Variants in TMEM135 observed in about 807,000 individuals in gnomAD.
TMEM135 encodes transmembrane protein 135, also known as peroxisomal membrane protein 52.
TMEM135 carries 30 observed loss-of-function variants against 60.3 expected under a neutral mutation model. That is an observed-to-expected ratio of 0.50 (90% confidence interval 0.37 to 0.68). The LOEUF (loss-of-function observed/expected upper bound fraction) is 0.68. Among genes scored for constraint, TMEM135 ranks in the 30% least tolerant of loss-of-function variants. The pLI is 0.00. For missense variants in TMEM135, 468 were observed against 548.8 expected, an observed-to-expected ratio of 0.85 and a Z score of 1.47; for synonymous variants, 190 against 186.7, an observed-to-expected ratio of 1.02 and a Z score of -0.14.
chr11:87,125,974 A>G (rs1047793617), intron 4 of TMEM135, among the ~76,000 whole-genome samples: 4 of 152,188 alleles, frequency 2.6e-5, no homozygotes, highest in Non-Finnish European at 2.9e-5. Flanking sequence ...ATTACCTGGA[A>G]CATATACCTT....
chr11:87,274,806 GT>G (rs1216073512), intron 6 of TMEM135, among the ~76,000 whole-genome samples: 78 of 150,178 alleles, frequency 5.2e-4, no homozygotes, highest in African/African-American at 1.9e-3. Flanking sequence ...GTGTGTGTGT[GT>G]GTGTGTGTGT....
rs750648167 is a variant in TMEM135, at chr11:87,325,563, T to C, written c.*4230T>C. The C allele has an allele frequency of 8.8e-6, 4 of 453,842 alleles. No individual in the cohort carries two copies. Among genetic ancestry groups the C allele is most frequent in the Non-Finnish European group, 1.8e-5 (4 of 226,766 alleles). The allele number at this position is 453,842 out of a possible 1,614,324, so 28.1% of individuals were successfully genotyped here. A position where few individuals can be genotyped will look rare whatever the true frequency, so the allele number is the denominator to read the frequency against. On this transcript the variant is annotated 3_prime_UTR_variant, in exon 15 of 15. Coordinates refer to ENST00000305494, the MANE Select transcript of TMEM135 (RefSeq NM_022918.4). ...TCCCTCTCCCTGCCACCTTGTCCATTCTCTGCTTGCTGGTGTTACTTTATG... is the reference window on the plus strand; with the variant it reads ...TCCCTCTCCCTGCCACCTTGTCCATCCTCTGCTTGCTGGTGTTACTTTATG...
At chr11:87,109,113 T>C (rs1415406471) in intron 4 of TMEM135, among the ~76,000 whole-genome samples, 1 of 152,148 alleles carries the variant, frequency 6.6e-6, no homozygotes, top group Non-Finnish European at 1.5e-5. Context: ...GATAGATGTG[T>C]TAACTATTTT....
chr11:87,213,805 T>C (rs1046058542), intron 5 of TMEM135, among the ~76,000 whole-genome samples: 1 of 152,224 alleles, frequency 6.6e-6, no homozygotes, highest in African/African-American at 2.4e-5. Flanking sequence ...AGGTCATTTG[T>C]GGACACATTA....
At chr11:87,256,095 G>A (rs1941523313) in intron 6 of TMEM135, among the ~76,000 whole-genome samples, 1 of 152,094 alleles carries the variant, frequency 6.6e-6, no homozygotes. Context: ...TCCATGTTAG[G>A]ACAACCTTTT....
At chr11:87,192,790 T>C (rs2069265835) in intron 5 of TMEM135, among the ~76,000 whole-genome samples, 1 of 152,218 alleles carries the variant, frequency 6.6e-6, no homozygotes, top group South Asian at 2.1e-4. Context: ...TGATTGTATG[T>C]GTGGGTGAGC....
intron 5 of TMEM135, among the ~76,000 whole-genome samples, chr11:87,211,084 G>A (rs1940358603): frequency 6.6e-6 from 1 of 152,122 alleles, no homozygotes; most frequent in Non-Finnish European, 1.5e-5. Context: ...GAGAACTGGA[G>A]CAAGATAGGG....
At chr11:87,306,804 C>CGAG (rs1942552185) in intron 9 of TMEM135, among the ~76,000 whole-genome samples, 1 of 152,088 alleles carries the variant, frequency 6.6e-6, no homozygotes. Flanking sequence ...CTGCAACCAC[C>CGAG]ATCTCCTAGG....
At chr11:87,093,722 CG>C (rs1857261143) in intron 4 of TMEM135, among the ~76,000 whole-genome samples, 1 of 151,282 alleles carries the variant, frequency 6.6e-6, no homozygotes, top group Non-Finnish European at 1.5e-5. Flanking sequence ...TTAGTAGAGA[CG>C]GGGTTTCACC....
chr11:87,321,849 C>T lies in TMEM135; in HGVS notation c.*516C>T, dbSNP rs1942827801. On this transcript the variant is annotated 3_prime_UTR_variant, in exon 15 of 15. Coordinates refer to ENST00000305494, the MANE Select transcript of TMEM135 (RefSeq NM_022918.4). Reference sequence around the variant, plus strand: ...AAGTAACTCTCCACGGACAGTGCTGCTTTCGTGTAGAGCAATTTAATTGGA... The same window carrying T: ...AAGTAACTCTCCACGGACAGTGCTGTTTTCGTGTAGAGCAATTTAATTGGA... The T allele has an allele frequency of 2.2e-6, 1 of 454,282 alleles. No homozygotes were observed. Among genetic ancestry groups the T allele is most frequent in the Admixed American group, 2.4e-5 (1 of 42,516 alleles). 28.1% of individuals were successfully genotyped at this position (454,282 alleles called of 1,614,324 possible).
chr11:87,318,483 A>G (rs1350589953), intron 13 of TMEM135, among the ~76,000 whole-genome samples: 1 of 151,972 alleles, frequency 6.6e-6, no homozygotes, highest in Non-Finnish European at 1.5e-5. Context: ...AGTACAATTT[A>G]TAAGTAAATT....
At chr11:87,079,619 A>G (rs1360110927) in intron 3 of TMEM135, among the ~76,000 whole-genome samples, 1 of 151,080 alleles carries the variant, frequency 6.6e-6, no homozygotes, top group African/African-American at 2.4e-5. Flanking sequence ...TTCTGCTTGT[A>G]TCTTGTATCT....
chr11:87,309,718 T>C, intron 10 of TMEM135, 46 bp downstream of exon 10: 1 of 1,591,918 alleles, frequency 6.3e-7, no homozygotes, highest in Non-Finnish European at 8.6e-7. Flanking sequence ...TAAATAACAT[T>C]GCTATTGTTA....
At chr11:87,262,378 A>T (rs547602488) in intron 6 of TMEM135, among the ~76,000 whole-genome samples, 1 of 152,294 alleles carries the variant, frequency 6.6e-6, no homozygotes, top group East Asian at 1.9e-4. Flanking sequence ...GTGCTTATTG[A>T]TTCCTACATC....
At chr11:87,191,987 C>CTTT (rs200969171) in intron 5 of TMEM135, among the ~76,000 whole-genome samples, 1,235 of 77,142 alleles carry the variant, frequency 0.016, 78 homozygotes, top group South Asian at 0.074. Flanking sequence ...CTTTTCTTTT[C>CTTT]TTTTTTTTTT....
chr11:87,276,968 G>A (rs1941979873), intron 6 of TMEM135, among the ~76,000 whole-genome samples: 1 of 151,266 alleles, frequency 6.6e-6, no homozygotes, highest in Non-Finnish European at 1.5e-5. Flanking sequence ...CACTTTACCT[G>A]GCTTTTTTTT....
chr11:87,154,981 ATCCAG>A (rs1938651223), intron 4 of TMEM135, among the ~76,000 whole-genome samples: 1 of 151,122 alleles, frequency 6.6e-6, no homozygotes, highest in Non-Finnish European at 1.5e-5. Flanking sequence ...TTTTGGTGAA[ATCCAG>A]TTTTATTTAT....
rs373482704 is a variant in TMEM135, at chr11:87,324,115, G to A, written c.*2782G>A. ...ATTTTCTTGTTGTGCTCGAGTGTTC[G>A]TCTCCTTGTAGATTGTATCTAGGCT... On this transcript the variant is annotated 3_prime_UTR_variant, in exon 15 of 15. Coordinates refer to ENST00000305494, the MANE Select transcript of TMEM135 (RefSeq NM_022918.4). The A allele has an allele frequency of 5.5e-4, 249 of 454,012 alleles. No individual in the cohort carries two copies. The highest frequency in any genetic ancestry group is 4.6e-3 in the African/African-American group (230 of 50,098). 28.1% of individuals were successfully genotyped at this position (454,012 alleles called of 1,614,324 possible). A position where few individuals can be genotyped will look rare whatever the true frequency, so the allele number is the denominator to read the frequency against.
rs1339335553 is a variant in TMEM135 at position 87,299,656 on chromosome 11, C to T, written c.552-2640C>T. Among the ~76,000 whole-genome samples, 3 of 152,180 alleles carry T rather than the reference C, an allele frequency of 2.0e-5. No homozygotes were observed. In the East Asian group the frequency reaches 5.8e-4, roughly 29 times the overall value. ...TATTAAGAATACACTCGGGAATGAG[C>T]CAGATATAGTCTCTGTTCTCAGAGA... On this transcript the variant is annotated intron_variant, in intron 7 of 14. Transcript: ENST00000305494.
Sources: allele counts gnomAD v4.1 joint callset (sites outside exome capture counted in the v4.1 genomes callset), GRCh38; gene constraint gnomAD v4.1.1; transcripts MANE v1.5; gene names NCBI Gene and HGNC (gene_info 2026-07-23, HGNC 2026-07-21).